The following SLC10A7 variants were observed in gnomAD, a reference collection of about 807,000 sequenced individuals.
SLC10A7 encodes solute carrier family 10 member 7, also known as sodium/bile acid cotransporter 7.
Under a neutral mutation model 43.2 loss-of-function variants are expected in SLC10A7, and 29 were observed. That is an observed-to-expected ratio of 0.67 (90% CI 0.50 to 0.92). The LOEUF (loss-of-function observed/expected upper bound fraction) is 0.92, where lower values mean the gene tolerates loss of function less well. Among genes scored for constraint, SLC10A7 ranks in the 40% least tolerant of loss-of-function variants. The pLI, the probability that SLC10A7 is intolerant of heterozygous loss-of-function variation, is 0.00. For synonymous variants in SLC10A7, 152 were observed against 144.8 expected (o/e 1.05, Z -0.35); for missense variants, 295 against 403.2 (o/e 0.73, Z 2.30).
intron 10 of SLC10A7, among the ~76,000 whole-genome samples, chr4:146,266,370 C>T (rs1256799857): frequency 6.6e-6 from 1 of 151,942 alleles, no homozygotes; most frequent in Non-Finnish European, 1.5e-5. Flanking sequence ...CTTCAGACAT[C>T]ACCAAATGCC....
chr4:146,295,969 T>A (rs1046178029), intron 7 of SLC10A7, among the ~76,000 whole-genome samples: 1 of 152,116 alleles, frequency 6.6e-6, no homozygotes, highest in African/African-American at 2.4e-5. Flanking sequence ...TAAATAAATA[T>A]GAATGAGGTG....
At chr4:146,473,480 T>A (rs553855159) in intron 4 of SLC10A7, among the ~76,000 whole-genome samples, 1 of 152,300 alleles carries the variant, frequency 6.6e-6, no homozygotes, top group Admixed American at 6.5e-5. Flanking sequence ...CCACGTTACA[T>A]AAGATCATCT....
At chr4:146,299,141 T>G (rs566322271) in intron 7 of SLC10A7, among the ~76,000 whole-genome samples, 1 of 152,246 alleles carries the variant, frequency 6.6e-6, no homozygotes, top group African/African-American at 2.4e-5. Context: ...CCAGTAATGA[T>G]AAAACCTCAT....
intron 5 of SLC10A7, among the ~76,000 whole-genome samples, chr4:146,337,985 T>C (rs1184922581): frequency 6.6e-6 from 1 of 152,018 alleles, no homozygotes; most frequent in Non-Finnish European, 1.5e-5. Flanking sequence ...GTAACTCTCT[T>C]AGGTCACTAG....
intron 7 of SLC10A7, among the ~76,000 whole-genome samples, chr4:146,305,400 G>C (rs956408627): frequency 2.8e-5 from 4 of 140,868 alleles, no homozygotes; most frequent in African/African-American, 1.1e-4. Context: ...ACAGGAAGGG[G>C]AACATCACAC....
chr4:146,357,076 C>T (rs1333452995), intron 5 of SLC10A7, among the ~76,000 whole-genome samples: 2 of 152,124 alleles, frequency 1.3e-5, no homozygotes, highest in African/African-American at 4.8e-5. Flanking sequence ...AGAGGTACGT[C>T]ACCCATGAAG....
chr4:146,337,214 G>A (rs1055115262), intron 5 of SLC10A7, among the ~76,000 whole-genome samples: 4 of 151,980 alleles, frequency 2.6e-5, no homozygotes, highest in African/African-American at 9.7e-5. Flanking sequence ...AGACCAAGGA[G>A]GAAGCAAAAG....
chr4:146,475,083 T>C (rs998634255), intron 4 of SLC10A7, among the ~76,000 whole-genome samples: 1 of 152,164 alleles, frequency 6.6e-6, no homozygotes, highest in African/African-American at 2.4e-5. Context: ...TTTTTTGACA[T>C]TTCTGCCAAG....
intron 5 of SLC10A7, among the ~76,000 whole-genome samples, chr4:146,382,810 A>C (rs897550207): frequency 6.6e-6 from 1 of 152,130 alleles, no homozygotes; most frequent in African/African-American, 2.4e-5. Flanking sequence ...TCCTCTTCAT[A>C]ATATCTAGTT....
rs72426352 is a variant in SLC10A7, at chr4:146,367,007, G to GTT, written c.436-41013_436-41012dup. 1.2e-4 allele frequency among the ~76,000 whole-genome samples: 18 copies of GTT among 148,576 alleles called. No homozygotes were observed. In the South Asian group the frequency reaches 1.7e-3, roughly 14 times the overall value. On this transcript the variant is annotated intron_variant, in intron 5 of 11. Coordinates refer to ENST00000335472, the MANE Select transcript of SLC10A7 (RefSeq NM_001029998.6). ...CAATAAGCAAGTTTTTTGTTTTTTT[G>GTT]TTTTTTTTTGTTTTTGTTTTTGCCA... is the stretch of plus-strand genomic sequence containing the variant.
chr4:146,363,335 C>A (rs1736179721), intron 5 of SLC10A7, among the ~76,000 whole-genome samples: 1 of 151,990 alleles, frequency 6.6e-6, no homozygotes, highest in African/African-American at 2.4e-5. Flanking sequence ...TATGTATATG[C>A]ACTCAATGCA....
At position 146,417,320 on chromosome 4, in the gene SLC10A7, GT is replaced by G. The variant is rs367777378; in HGVS notation, c.435+25462del. Among the ~76,000 whole-genome samples, 167 of 152,306 alleles carry G rather than the reference GT, an allele frequency of 1.1e-3. 1 individual carries two copies. The South Asian group carries it at 0.016, about 14-fold the overall frequency. On this transcript the variant is annotated intron_variant, in intron 5 of 11. Coordinates refer to ENST00000335472, the MANE Select transcript of SLC10A7 (RefSeq NM_001029998.6). Reference sequence around the variant, plus strand: ...GAATCTTTTAAGCCACATAACAGACGTTGGTTTTTATCTCAAGAAAGTCATT... The same window carrying G: ...GAATCTTTTAAGCCACATAACAGACGTGGTTTTTATCTCAAGAAAGTCATT...
At chr4:146,502,232 TA>T (rs1736485142) in intron 4 of SLC10A7, among the ~76,000 whole-genome samples, 1 of 152,126 alleles carries the variant, frequency 6.6e-6, no homozygotes, top group African/African-American at 2.4e-5. Context: ...TGGCAAAAAT[TA>T]AAAAGACTGA....
At chr4:146,256,831 G>T (rs1436079462) in intron 11 of SLC10A7, 2 of 1,533,748 alleles carry the variant, frequency 1.3e-6, no homozygotes, top group Non-Finnish European at 1.7e-6. Flanking sequence ...GATACCTGGA[G>T]GATGGACTCT....
chr4:146,488,033 T>A (rs55757096), intron 4 of SLC10A7, among the ~76,000 whole-genome samples: 4,057 of 151,644 alleles, frequency 0.027, 81 homozygotes, highest in Non-Finnish European at 0.044. Flanking sequence ...CGAAAAAAAA[T>A]TTTTTTAATT....
At chr4:146,458,815 C>T (rs1732295932) in intron 4 of SLC10A7, among the ~76,000 whole-genome samples, 1 of 151,778 alleles carries the variant, frequency 6.6e-6, no homozygotes, top group South Asian at 2.1e-4. Context: ...CAACAGTAAA[C>T]TTTAAAACTC....
At chr4:146,450,979 G>A (rs1483527064) in intron 4 of SLC10A7, among the ~76,000 whole-genome samples, 4 of 150,694 alleles carry the variant, frequency 2.7e-5, no homozygotes, top group South Asian at 2.1e-4. Flanking sequence ...TAAAAGCAGC[G>A]AGGAAAAGGG....
chr4:146,512,103 A>G (rs1370029019), intron 2 of SLC10A7, among the ~76,000 whole-genome samples: 1 of 148,740 alleles, frequency 6.7e-6, no homozygotes, highest in African/African-American at 2.5e-5. Context: ...CCTCCCAAGT[A>G]GCGGGGATTA....
At chr4:146,382,085 G>A (rs1387054753) in intron 5 of SLC10A7, among the ~76,000 whole-genome samples, 5 of 152,044 alleles carry the variant, frequency 3.3e-5, no homozygotes, top group East Asian at 3.9e-4. Flanking sequence ...CTGACAAAGG[G>A]CTTTGTTGCA....
Sources: allele counts gnomAD v4.1 joint callset (sites outside exome capture counted in the v4.1 genomes callset), GRCh38; gene constraint gnomAD v4.1.1; transcripts MANE v1.5; gene names NCBI Gene and HGNC (gene_info 2026-07-23, HGNC 2026-07-21).